The following CRISP2 variants were observed in gnomAD, a reference collection of about 807,000 sequenced individuals.
The protein encoded by CRISP2 is cysteine-rich secretory protein 2.
Under a neutral mutation model 31.7 loss-of-function variants are expected in CRISP2, and 29 were observed. That is an observed-to-expected ratio of 0.92 (90% confidence interval 0.68 to 1.25). The LOEUF (loss-of-function observed/expected upper bound fraction) is 1.25. Among genes scored for constraint, CRISP2 ranks in the 50% most tolerant of loss-of-function variants. The pLI is 0.00. For missense variants in CRISP2, 318 were observed against 286.5 expected, an observed-to-expected ratio of 1.11 and a Z score of -0.79; for synonymous variants, 111 against 101.4, an observed-to-expected ratio of 1.09 and a Z score of -0.57.
At position 49,704,655 on chromosome 6, in the gene CRISP2, G is replaced by T. The variant is rs143243146; in HGVS notation, c.67-3871C>A. Among the ~76,000 whole-genome samples the T allele has an allele frequency of 1.9e-3, 283 of 152,272 alleles. 1 individual carries two copies. The highest frequency in any genetic ancestry group is 6.3e-3 in the African/African-American group (261 of 41,554). ...ACCCAGCAGAGCTACTGGGCTCCAG[G>T]CTGGTACTGGAGAATGCCTGCAAAG... On this transcript the variant is annotated intron_variant, in intron 4 of 9. Transcript: ENST00000339139.
At chr6:49,682,631 CTTTCTTTCTTTCTT>C in the CRISP2 span, among the ~76,000 whole-genome samples, 2 of 93,484 alleles carry the variant, frequency 2.1e-5, no homozygotes, top group African/African-American at 9.6e-5. Flanking sequence ...TTCTTTCTTT[CTTTCTTTCTTTCTT>C]CTTTCTTTCT....
At chr6:49,687,498 A>G (rs1179681077), downstream of CRISP2, among the ~76,000 whole-genome samples, 1 of 152,198 alleles carries the variant, frequency 6.6e-6, no homozygotes, top group Non-Finnish European at 1.5e-5. Context: ...TTTTCTATGC[A>G]GAAACTTTTC....
intron 7 of CRISP2, 100 bp downstream of exon 7, chr6:49,698,262 G>A: frequency 7.4e-7 from 1 of 1,359,198 alleles, no homozygotes; most frequent in Non-Finnish European, 1.0e-6. Flanking sequence ...TACCCACTCG[G>A]ACTGTTCTCC....
chr6:49,703,779 C>T (rs571633744), intron 4 of CRISP2, among the ~76,000 whole-genome samples: 1 of 152,232 alleles, frequency 6.6e-6, no homozygotes, highest in African/African-American at 2.4e-5. Flanking sequence ...CCTCACAGCT[C>T]GTAATATTCT....
At chr6:49,684,078 C>A in the CRISP2 span, among the ~76,000 whole-genome samples, 116 of 152,046 alleles carry the variant, frequency 7.6e-4, no homozygotes, top group African/African-American at 2.8e-3. Context: ...ATCTTCCTAT[C>A]CTTGTTTCCT....
At chr6:49,710,900 G>C (rs1231653865) in intron 3 of CRISP2, among the ~76,000 whole-genome samples, 4 of 152,154 alleles carry the variant, frequency 2.6e-5, no homozygotes, top group South Asian at 2.1e-4. Flanking sequence ...ACTGAGGTGA[G>C]AGCACATAAC....
chr6:49,678,491 A>G, the CRISP2 span, among the ~76,000 whole-genome samples: 1 of 152,112 alleles, frequency 6.6e-6, no homozygotes. Flanking sequence ...TACAATGGAG[A>G]CAAAAGAAAG....
rs1561858281 is a variant in CRISP2 at position 49,692,868 on chromosome 6, TA to T, written c.636del (p.Ser212ArgfsTer6). 7 of 1,613,768 alleles carry T rather than the reference TA, an allele frequency of 4.3e-6. No homozygotes were observed. Among genetic ancestry groups the T allele is most frequent in the Non-Finnish European group, 5.9e-6 (7 of 1,179,728 alleles). On this transcript the variant is annotated frameshift_variant, in exon 10 of 10. Transcript: ENST00000339139. LOFTEE classifies it low-confidence loss of function (END_TRUNC). ...TNSCQYQDLL[S>X]NCDSLKNTAG... ...GCTGTATTCTTCAAGGAATCACAGT[TA>T]CTTAGGAGATCTTGATACTGGCAAC... is the stretch of plus-strand genomic sequence containing the variant.
At chr6:49,709,482 C>T (rs997160969) in intron 3 of CRISP2, among the ~76,000 whole-genome samples, 6 of 152,156 alleles carry the variant, frequency 3.9e-5, no homozygotes. Flanking sequence ...CTTCTTTCTG[C>T]CTACTTCTGC....
At chr6:49,704,635 G>A in intron 4 of CRISP2, among the ~76,000 whole-genome samples, 1 of 152,156 alleles carries the variant, frequency 6.6e-6, no homozygotes, top group Admixed American at 6.5e-5. Flanking sequence ...TAGCGACCCA[G>A]CAGAGCTACT....
chr6:49,700,518 T>A (rs1163049090), intron 5 of CRISP2, 150 bp downstream of exon 5: 1 of 607,396 alleles, frequency 1.6e-6, no homozygotes, highest in African/African-American at 1.9e-5. Flanking sequence ...AAAACAAGAA[T>A]ACAATCCTCT....
the CRISP2 span, among the ~76,000 whole-genome samples, chr6:49,678,672 C>T: frequency 1.3e-5 from 2 of 152,070 alleles, no homozygotes; most frequent in Non-Finnish European, 2.9e-5. Context: ...GCCTGATGCA[C>T]TCATGTGTTT....
chr6:49,677,649 CT>C, the CRISP2 span, among the ~76,000 whole-genome samples: 1 of 152,076 alleles, frequency 6.6e-6, no homozygotes, highest in Non-Finnish European at 1.5e-5. Context: ...GTTTTCATTC[CT>C]TATTTCCTTA....
At chr6:49,689,368 A>T (rs1217073213), downstream of CRISP2, among the ~76,000 whole-genome samples, 1 of 152,148 alleles carries the variant, frequency 6.6e-6, no homozygotes, top group Non-Finnish European at 1.5e-5. Flanking sequence ...TTATGTTTTT[A>T]TTATTTTCTT....
intron 4 of CRISP2, among the ~76,000 whole-genome samples, chr6:49,705,639 G>C (rs929876229): frequency 1.3e-5 from 2 of 152,170 alleles, no homozygotes; most frequent in Non-Finnish European, 2.9e-5. Flanking sequence ...TTTCCTCTTT[G>C]AGGATCTCTG....
the CRISP2 span, among the ~76,000 whole-genome samples, chr6:49,679,783 G>T: frequency 1.3e-5 from 2 of 151,910 alleles, no homozygotes; most frequent in Non-Finnish European, 2.9e-5. Context: ...TTGGCTCACT[G>T]CAACCTCTGC....
At chr6:49,689,725 A>G (rs899790145), downstream of CRISP2, among the ~76,000 whole-genome samples, 3 of 152,170 alleles carry the variant, frequency 2.0e-5, no homozygotes, top group Non-Finnish European at 4.4e-5. Context: ...TTCTAAGAAC[A>G]TAAAGTATAC....
upstream of CRISP2, among the ~76,000 whole-genome samples, chr6:49,713,832 G>C (rs1170753948): frequency 6.6e-6 from 1 of 152,132 alleles, no homozygotes; most frequent in Non-Finnish European, 1.5e-5. Flanking sequence ...CCCAGGGGGT[G>C]GCTTGAAAAA....
downstream of CRISP2, chr6:49,692,238 C>T (rs1764092144): frequency 7.5e-6 from 1 of 132,550 alleles, no homozygotes. Flanking sequence ...ATGAATCTAG[C>T]TGGAGTTAAT....
Sources: gnomAD v4.1 joint callset for allele counts (sites outside exome capture counted in the v4.1 genomes callset) on GRCh38, gnomAD v4.1.1 for gene constraint, MANE v1.5 for transcripts, NCBI Gene and HGNC (gene_info 2026-07-23, HGNC 2026-07-21) for gene names.